Variants in JAKMIP1 observed in about 807,000 individuals in gnomAD.
The protein encoded by JAKMIP1 is janus kinase and microtubule-interacting protein 1.
A neutral mutation model predicts 113.0 loss-of-function variants in JAKMIP1; 33 were observed. The observed-to-expected ratio is 0.29, with a 90% CI of 0.22 to 0.39. JAKMIP1 has a LOEUF of 0.39. JAKMIP1 is among the 10% of genes least tolerant of loss of function. The pLI, the probability that JAKMIP1 is intolerant of heterozygous loss-of-function variation, is 1.00. For synonymous variants in JAKMIP1, 480 were observed against 459.9 expected (o/e 1.04, Z -0.56); for missense variants, 813 against 1,080.5 (o/e 0.75, Z 3.47).
At chr4:6,071,867 C>T (rs528180032) in intron 8 of JAKMIP1, among the ~76,000 whole-genome samples, 5 of 152,314 alleles carry the variant, frequency 3.3e-5, no homozygotes, top group African/African-American at 1.2e-4. Flanking sequence ...ACCAAAGGGC[C>T]CCCAGCAGGT....
chr4:6,032,023 G>A (rs1712746405), intron 19 of JAKMIP1, among the ~76,000 whole-genome samples: 1 of 152,156 alleles, frequency 6.6e-6, no homozygotes, highest in African/African-American at 2.4e-5. Context: ...ATGCAGGGCG[G>A]CCGAGTGCTG....
chr4:6,104,443 T>C (rs571048690), intron 3 of JAKMIP1, among the ~76,000 whole-genome samples: 1 of 152,358 alleles, frequency 6.6e-6, no homozygotes, highest in Admixed American at 6.5e-5. Flanking sequence ...GTCTTTAGTA[T>C]TACTTCTTGC....
intron 5 of JAKMIP1, among the ~76,000 whole-genome samples, chr4:6,084,459 T>C (rs1328563322): frequency 2.6e-5 from 4 of 152,230 alleles, no homozygotes; most frequent in African/African-American, 9.6e-5. Context: ...TCAATCTTAA[T>C]GACAGTCTAG....
chr4:6,179,675 T>C lies in JAKMIP1; in HGVS notation c.-148+20578A>G, dbSNP rs757035211. Among the ~76,000 whole-genome samples, 1 of 152,180 alleles carries C rather than the reference T, an allele frequency of 6.6e-6. No homozygotes were observed. The highest frequency in any genetic ancestry group is 2.4e-5 in the African/African-American group (1 of 41,448). On this transcript the variant is annotated intron_variant, in intron 1 of 20. Transcript: ENST00000409021. The surrounding 1 kb of genome is among the most constrained non-coding windows in gnomAD (Gnocchi z 4.5). ...CTGCATGGGTCTCTTGGGGTATCACTCCTGCCCCCAGACCAAAAGCAACAG... is the reference window on the plus strand; with the variant it reads ...CTGCATGGGTCTCTTGGGGTATCACCCCTGCCCCCAGACCAAAAGCAACAG...
chr4:6,089,154 G>A lies in JAKMIP1; in HGVS notation c.625-3525C>T, dbSNP rs1342316433. The stretch of plus-strand genomic sequence containing the variant: ...GGCATCCCCCCAGCACAGCATGAGA[G>A]CCCACAGCCTGGGAATGACACAGCA... On this transcript the variant is annotated intron_variant, in intron 3 of 20. Coordinates refer to ENST00000409021, the MANE Select transcript of JAKMIP1 (RefSeq NM_001099433.2). The surrounding 1 kb of genome is among the most constrained non-coding windows in gnomAD (Gnocchi z 5.3). Among the ~76,000 whole-genome samples, 1 of 152,228 alleles carries A rather than the reference G, an allele frequency of 6.6e-6. No homozygotes were observed. The highest frequency in any genetic ancestry group is 6.5e-5 in the Admixed American group (1 of 15,284).
At position 6,069,389 on chromosome 4, in the gene JAKMIP1, A is replaced by G. The variant is rs1418175010; in HGVS notation, c.1303-4381T>C. Among the ~76,000 whole-genome samples the G allele has an allele frequency of 1.3e-5, 2 of 152,334 alleles. No homozygotes were observed. The highest frequency in any genetic ancestry group is 2.1e-4 in the South Asian group (1 of 4,826). ...AAAAAGGTAATTCCTCTAGCCTTCC[A>G]TGTTCCTTGCAACCAAAGCCTCTCC... On this transcript the variant is annotated intron_variant, in intron 8 of 20. Transcript: ENST00000409021. This position sits in a 1 kb window ranked among gnomAD's most constrained non-coding sequence, Gnocchi z 4.5.
At chr4:6,085,740 T>C (rs560244720) in intron 3 of JAKMIP1, 111 bp from the exon 4 acceptor site, 2 of 912,868 alleles carry the variant, frequency 2.2e-6, no homozygotes, top group African/African-American at 1.6e-5. Flanking sequence ...GTCTCGGGCC[T>C]GGGTCAACTG....
chr4:6,167,186 G>A lies in JAKMIP1; in HGVS notation c.-148+33067C>T, dbSNP rs117525269. On this transcript the variant is annotated intron_variant, in intron 1 of 20. Coordinates refer to ENST00000409021, the MANE Select transcript of JAKMIP1 (RefSeq NM_001099433.2). This position sits in a 1 kb window ranked among gnomAD's most constrained non-coding sequence, Gnocchi z 5.3. ...GCCCTGCCTCCGCAAAGAGCACGAT[G>A]TTCTGGCCACTCATCCAGACCCAGG... is the stretch of plus-strand genomic sequence containing the variant. 2.1e-4 allele frequency among the ~76,000 whole-genome samples: 32 copies of A among 152,266 alleles called. No individual in the cohort carries two copies. The East Asian group carries it at 6.0e-3, about 28-fold the overall frequency.
At chr4:6,075,156 G>A (rs1415285866) in intron 8 of JAKMIP1, among the ~76,000 whole-genome samples, 3 of 150,142 alleles carry the variant, frequency 2.0e-5, no homozygotes, top group African/African-American at 7.3e-5. Context: ...TCAACAGAGT[G>A]AGACTCCATC....
Position 6,176,580 on chromosome 4 carries a change from G to A in JAKMIP1, c.-148+23673C>T, listed in dbSNP as rs1036364969. 6.6e-6 allele frequency among the ~76,000 whole-genome samples: 1 copy of A among 152,184 alleles called. No individual in the cohort carries two copies. The highest frequency in any genetic ancestry group is 1.5e-5 in the Non-Finnish European group (1 of 68,034). On this transcript the variant is annotated intron_variant, in intron 1 of 20. Transcript: ENST00000409021. The surrounding 1 kb of genome is among the most constrained non-coding windows in gnomAD (Gnocchi z 5.5). Reference sequence around the variant, plus strand: ...GACACACTCAGAATGGGGCAATGGGGTCAGGGAATTAAGGGCTGGGAGATA... The same window carrying A: ...GACACACTCAGAATGGGGCAATGGGATCAGGGAATTAAGGGCTGGGAGATA...
intron 1 of JAKMIP1, among the ~76,000 whole-genome samples, chr4:6,189,950 G>A (rs975780207): frequency 5.3e-5 from 8 of 152,200 alleles, no homozygotes; most frequent in East Asian, 1.9e-4. Context: ...GGGAGGCAGC[G>A]TGGGCCATGC....
Position 6,158,275 on chromosome 4 carries a change from A to AC in JAKMIP1, c.-148+41977_-148+41978insG, listed in dbSNP as rs1320850800. ...CTCACCAGGGGTCACAAGCTCAGCT[A>AC]TGAAGCACTTGAAAGCCCAGAACCT... On this transcript the variant is annotated intron_variant, in intron 1 of 20. Coordinates refer to ENST00000409021, the MANE Select transcript of JAKMIP1 (RefSeq NM_001099433.2). The surrounding 1 kb of genome is among the most constrained non-coding windows in gnomAD (Gnocchi z 5.3). Among the ~76,000 whole-genome samples the AC allele has an allele frequency of 2.6e-5, 4 of 151,584 alleles. No individual in the cohort carries two copies. The highest frequency in any genetic ancestry group is 1.3e-4 in the Admixed American group (2 of 15,246).
In JAKMIP1 at chr4:6,187,563, G is replaced by A. The variant is rs1345018276; in HGVS notation, c.-148+12690C>T. ...GCCTTTGTAAAAGAAACCCTAGGGAGCTAGCTCACCCCTTCCACCATGTGA... is the reference window on the plus strand; with the variant it reads ...GCCTTTGTAAAAGAAACCCTAGGGAACTAGCTCACCCCTTCCACCATGTGA... On this transcript the variant is annotated intron_variant, in intron 1 of 20. Coordinates refer to ENST00000409021, the MANE Select transcript of JAKMIP1 (RefSeq NM_001099433.2). The surrounding 1 kb of genome is among the most constrained non-coding windows in gnomAD (Gnocchi z 4.2). Among the ~76,000 whole-genome samples the A allele has an allele frequency of 6.6e-6, 1 of 152,238 alleles. No individual in the cohort carries two copies. The highest frequency in any genetic ancestry group is 1.5e-5 in the Non-Finnish European group (1 of 68,038).
intron 3 of JAKMIP1, among the ~76,000 whole-genome samples, chr4:6,103,170 T>C (rs1272288938): frequency 6.6e-6 from 1 of 152,218 alleles, no homozygotes; most frequent in Non-Finnish European, 1.5e-5. Context: ...CCATTTATCA[T>C]ATTAGAGAAA....
chr4:6,083,294 T>C (rs1281962182), intron 5 of JAKMIP1, among the ~76,000 whole-genome samples: 2 of 151,670 alleles, frequency 1.3e-5, no homozygotes, highest in Non-Finnish European at 2.9e-5. Flanking sequence ...TCCTAGCTAC[T>C]TGGGAGGCTG....
At position 6,044,182 on chromosome 4, in the gene JAKMIP1, C is replaced by T. The variant is rs1382418870; in HGVS notation, c.2029-1955G>A. On this transcript the variant is annotated intron_variant, in intron 16 of 20. Transcript: ENST00000409021. This position sits in a 1 kb window ranked among gnomAD's most constrained non-coding sequence, Gnocchi z 4.4. ...TGTGAATGCCGGGTCGTAGCACTCA[C>T]CTGACAGCGCTGTTGTCTGTTTCAC... Among the ~76,000 whole-genome samples the T allele has an allele frequency of 7.7e-6, 1 of 129,436 alleles. No individual in the cohort carries two copies. The highest frequency in any genetic ancestry group is 1.5e-5 in the Non-Finnish European group (1 of 65,680). 84.9% of individuals were successfully genotyped at this position (129,436 alleles called of 152,430 possible).
chr4:6,034,835 G>T (rs991075834), intron 19 of JAKMIP1, among the ~76,000 whole-genome samples: 4 of 152,150 alleles, frequency 2.6e-5, no homozygotes, highest in Non-Finnish European at 5.9e-5. Context: ...AGATGTTTCT[G>T]TGGAGGTCTT....
rs893473682 is a variant in JAKMIP1, at chr4:6,193,596, G to C, written c.-148+6657C>G. Among the ~76,000 whole-genome samples the C allele has an allele frequency of 6.6e-6, 1 of 152,222 alleles. No individual in the cohort carries two copies. The highest frequency in any genetic ancestry group is 1.5e-5 in the Non-Finnish European group (1 of 68,036). On this transcript the variant is annotated intron_variant, in intron 1 of 20. Coordinates refer to ENST00000409021, the MANE Select transcript of JAKMIP1 (RefSeq NM_001099433.2). This position sits in a 1 kb window ranked among gnomAD's most constrained non-coding sequence, Gnocchi z 6.4. ...AGCCAGGGCTCCCTGCGCTGTGCCA[G>C]CTGCCTCTCTGGGGCACTCGGCTGG...
In JAKMIP1 at chr4:6,081,371, G is replaced by T. The variant is rs1720513684; in HGVS notation, c.1101+238C>A. 6.6e-6 allele frequency among the ~76,000 whole-genome samples: 1 copy of T among 152,166 alleles called. No homozygotes were observed. The highest frequency in any genetic ancestry group is 2.1e-4 in the South Asian group (1 of 4,826). Reference sequence around the variant, plus strand: ...GAAACAGAGGCTCAGAGAGAATGGGGGATGTGTTTAAGGACACAGCTGTCT... The same window carrying T: ...GAAACAGAGGCTCAGAGAGAATGGGTGATGTGTTTAAGGACACAGCTGTCT... On this transcript the variant is annotated intron_variant, in intron 6 of 20. Coordinates refer to ENST00000409021, the MANE Select transcript of JAKMIP1 (RefSeq NM_001099433.2). This position sits in a 1 kb window ranked among gnomAD's most constrained non-coding sequence, Gnocchi z 4.6.
Sources: gnomAD v4.1 joint callset for allele counts (sites outside exome capture counted in the v4.1 genomes callset) on GRCh38, gnomAD v4.1.1 for gene constraint, Gnocchi (gnomAD v3.1) non-coding constraint, MANE v1.5 for transcripts, NCBI Gene and HGNC (gene_info 2026-07-23, HGNC 2026-07-21) for gene names.